The following DENND6A variants were observed in gnomAD, a reference collection of about 807,000 sequenced individuals.
The protein encoded by DENND6A is DENN domain containing 6A.
Under a neutral mutation model 95.5 loss-of-function variants are expected in DENND6A, and 43 were observed. The ratio of observed to expected loss-of-function variants is 0.45; its 90% confidence interval spans 0.35 to 0.58. The LOEUF (loss-of-function observed/expected upper bound fraction) is 0.58, where lower values mean the gene tolerates loss of function less well. DENND6A is among the 20% of genes least tolerant of loss of function. The pLI is 0.00. For synonymous variants in DENND6A, 257 were observed against 260.4 expected (o/e 0.99, Z 0.13); for missense variants, 574 against 736.0 (o/e 0.78, Z 2.55).
At chr3:57,634,437 A>C in intron 14 of DENND6A, 121 bp downstream of exon 14, 1 of 263,336 alleles carries the variant, frequency 3.8e-6, no homozygotes, top group Non-Finnish European at 6.3e-6. Context: ...TGTCTCCCAA[A>C]AAAAAAAAAA....
chr3:57,651,817 C>A (rs567130033), intron 9 of DENND6A, among the ~76,000 whole-genome samples: 2 of 152,008 alleles, frequency 1.3e-5, no homozygotes, highest in Non-Finnish European at 2.9e-5. Flanking sequence ...TAAACTGGGA[C>A]AATTTGAATA....
chr3:57,660,657 G>A (rs1575845080), intron 7 of DENND6A, 103 bp downstream of exon 7: 1 of 1,001,900 alleles, frequency 1.0e-6, no homozygotes, highest in Non-Finnish European at 1.4e-6. Context: ...GCAGTGAGCT[G>A]TGATCATGCC....
rs1250873984 is a variant in DENND6A, at chr3:57,627,059, T to G, written c.*1155A>C. On this transcript the variant is annotated 3_prime_UTR_variant, in exon 20 of 20. Coordinates refer to ENST00000311128, the MANE Select transcript of DENND6A (RefSeq NM_152678.3). ...AGTTCAGTTTAAAAAAATAGCTGATTATGAGATTTATAATTAAAATGTCTT... is the reference window on the plus strand; with the variant it reads ...AGTTCAGTTTAAAAAAATAGCTGATGATGAGATTTATAATTAAAATGTCTT... 1 of 152,162 alleles carries G rather than the reference T, an allele frequency of 6.6e-6. No homozygotes were observed. Among genetic ancestry groups the G allele is most frequent in the Non-Finnish European group, 1.5e-5 (1 of 68,032 alleles). The allele number at this position is 152,162 out of a possible 1,614,324, so 9.4% of individuals were successfully genotyped here.
intron 9 of DENND6A, among the ~76,000 whole-genome samples, chr3:57,647,234 T>C (rs2071098136): frequency 6.6e-6 from 1 of 152,074 alleles, no homozygotes; most frequent in Non-Finnish European, 1.5e-5. Flanking sequence ...AATTATGAGA[T>C]GGAAATTAGG....
chr3:57,643,018 AAAAAG>A (rs941969778), intron 11 of DENND6A, among the ~76,000 whole-genome samples: 31 of 149,430 alleles, frequency 2.1e-4, no homozygotes, highest in African/African-American at 3.7e-4. Flanking sequence ...AAAAAAAAAA[AAAAAG>A]AAAGATCACT....
chr3:57,678,594 A>G lies in DENND6A; in HGVS notation c.238-6156T>C, dbSNP rs368934338. ...TTTAGAGACAGGGCCTTTGGGAGGT[A>G]ATTAGGTCATGAGTGTAGAGCTCAC... On this transcript the variant is annotated intron_variant, in intron 1 of 19. Coordinates refer to ENST00000311128, the MANE Select transcript of DENND6A (RefSeq NM_152678.3). Among the ~76,000 whole-genome samples the G allele has an allele frequency of 1.7e-4, 26 of 152,338 alleles. No homozygotes were observed. The East Asian group carries it at 4.4e-3, about 26-fold the overall frequency.
intron 9 of DENND6A, among the ~76,000 whole-genome samples, chr3:57,655,752 A>G (rs2071312245): frequency 1.3e-5 from 2 of 152,220 alleles, no homozygotes; most frequent in African/African-American, 4.8e-5. Context: ...CCAAATGCAA[A>G]AAAGTCCAAA....
At chr3:57,674,224 T>G (rs1575858874) in intron 1 of DENND6A, among the ~76,000 whole-genome samples, 2 of 151,796 alleles carry the variant, frequency 1.3e-5, no homozygotes, top group East Asian at 3.9e-4. Flanking sequence ...TACAAAAAAA[T>G]TAGCTGGGCG....
At chr3:57,631,974 G>A (rs1354844843) in intron 15 of DENND6A, among the ~76,000 whole-genome samples, 3 of 144,364 alleles carry the variant, frequency 2.1e-5, no homozygotes, top group South Asian at 2.2e-4. Context: ...CGCCCGCCTC[G>A]GCCTCCCAAA....
chr3:57,656,673 T>G (rs1269680506), intron 9 of DENND6A, among the ~76,000 whole-genome samples: 1 of 151,808 alleles, frequency 6.6e-6, no homozygotes, highest in Non-Finnish European at 1.5e-5. Flanking sequence ...AACAAAAAGG[T>G]CAGCCAGGCG....
rs572206715 is a variant in DENND6A, at chr3:57,685,741, A to T, written c.237+7041T>A. On this transcript the variant is annotated intron_variant, in intron 1 of 19. Transcript: ENST00000311128. ...TTCAGCATTCATTCTTTTTTTTTAA[A>T]AAAAAATTTGTTTTTCTTTAATGTT... Among the ~76,000 whole-genome samples, 97 of 148,514 alleles carry T rather than the reference A, an allele frequency of 6.5e-4. No homozygotes were observed. The South Asian group carries it at 8.4e-3, about 13-fold the overall frequency.
chr3:57,654,225 G>A (rs1381832758), intron 9 of DENND6A, among the ~76,000 whole-genome samples: 2 of 152,020 alleles, frequency 1.3e-5, no homozygotes, highest in Admixed American at 6.6e-5. Flanking sequence ...AAAGTGCCGG[G>A]ATTACAGGTG....
At chr3:57,675,360 T>G (rs1471181364) in intron 1 of DENND6A, among the ~76,000 whole-genome samples, 2 of 152,178 alleles carry the variant, frequency 1.3e-5, no homozygotes, top group African/African-American at 4.8e-5. Context: ...TAGCCTATAA[T>G]CTAAAGAGAA....
intron 12 of DENND6A, among the ~76,000 whole-genome samples, chr3:57,635,810 CTG>C (rs1013777468): frequency 1.4e-4 from 21 of 152,278 alleles, no homozygotes; most frequent in Admixed American, 9.2e-4. Flanking sequence ...TGGGTTTAAA[CTG>C]TGCATATTCA....
intron 12 of DENND6A, among the ~76,000 whole-genome samples, chr3:57,635,426 A>G (rs2070771241): frequency 6.6e-6 from 1 of 152,198 alleles, no homozygotes; most frequent in South Asian, 2.1e-4. Context: ...AACAACCCTT[A>G]TAACAGACAG....
chr3:57,661,758 G>A (rs986567737), intron 5 of DENND6A, among the ~76,000 whole-genome samples: 2 of 152,160 alleles, frequency 1.3e-5, no homozygotes, highest in African/African-American at 4.8e-5. Flanking sequence ...ATAATGGCAT[G>A]TAACAGATTT....
intron 1 of DENND6A, among the ~76,000 whole-genome samples, chr3:57,692,245 A>AC (rs984142046): frequency 4.0e-5 from 6 of 151,694 alleles, no homozygotes; most frequent in African/African-American, 1.5e-4. Context: ...AAAAAAAAAA[A>AC]AAAAACAGAA....
At chr3:57,671,036 A>G (rs1302825913) in intron 3 of DENND6A, among the ~76,000 whole-genome samples, 1 of 152,210 alleles carries the variant, frequency 6.6e-6, no homozygotes. Flanking sequence ...AAAACCCCTT[A>G]CTGGGATCTC....
chr3:57,672,145 T>C (rs373680524), intron 3 of DENND6A, 111 bp downstream of exon 3: 9 of 1,030,412 alleles, frequency 8.7e-6, no homozygotes, highest in East Asian at 2.7e-5. Context: ...ATAAAAATCA[T>C]TGATCTGTTT....
Sources: allele counts gnomAD v4.1 joint callset (sites outside exome capture counted in the v4.1 genomes callset), GRCh38; gene constraint gnomAD v4.1.1; transcripts MANE v1.5; gene names NCBI Gene and HGNC (gene_info 2026-07-23, HGNC 2026-07-21).